The following TPP2 variants were observed in gnomAD, a reference collection of about 807,000 sequenced individuals.
TPP2 encodes the protein tripeptidyl peptidase 2.
A neutral mutation model predicts 155.9 loss-of-function variants in TPP2; 34 were observed. The observed-to-expected ratio is 0.22, with a 90% CI of 0.17 to 0.29. TPP2 has a LOEUF of 0.29. Ranked by LOEUF, TPP2 falls within the 10% of genes least tolerant of loss-of-function variation. TPP2 has a pLI of 1.00. For missense variants in TPP2, 1,028 were observed against 1,522.3 expected (o/e 0.68, Z 5.40); for synonymous variants, 510 against 529.4 (o/e 0.96, Z 0.50).
chr13:102,644,520 A>G, intron 17 of TPP2, 37 bp from the exon 18 acceptor site: 1 of 1,488,172 alleles, frequency 6.7e-7, no homozygotes, highest in Non-Finnish European at 9.2e-7. Context: ...TGAGAAAAAT[A>G]AGAAAAGAGA....
chr13:102,633,854 G>A (rs1435195490), intron 10 of TPP2, 96 bp from the exon 11 acceptor site: 29 of 1,544,474 alleles, frequency 1.9e-5, no homozygotes, highest in South Asian at 8.4e-5. Flanking sequence ...AGTACATAGT[G>A]TTATACTATT....
chr13:102,669,816 G>C (rs1884852324), intron 27 of TPP2, among the ~76,000 whole-genome samples: 2 of 152,152 alleles, frequency 1.3e-5, no homozygotes, highest in African/African-American at 4.8e-5. Context: ...AAGCTAGGGG[G>C]CCAGGCAGTG....
rs181183391 is a variant in TPP2, at chr13:102,658,904, G to C, written c.3143+1697G>C. Among the ~76,000 whole-genome samples, 10 of 152,250 alleles carry C rather than the reference G, an allele frequency of 6.6e-5. No individual in the cohort carries two copies. The East Asian group carries it at 1.9e-3, about 29-fold the overall frequency. On this transcript the variant is annotated intron_variant, in intron 25 of 29. Coordinates refer to ENST00000376052, the MANE Select transcript of TPP2 (RefSeq NM_001330588.2). ...TGTAAAGTACTGTTGGGAACACTGG[G>C]GCCCCAATGCCCAGGAGGCTGTGGT...
intron 25 of TPP2, among the ~76,000 whole-genome samples, chr13:102,662,290 G>A (rs1209935983): frequency 6.6e-6 from 1 of 152,068 alleles, no homozygotes; most frequent in East Asian, 1.9e-4. Flanking sequence ...AGGGTATGGC[G>A]GTTTCTTTTT....
intron 29 of TPP2, among the ~76,000 whole-genome samples, chr13:102,676,645 C>T (rs1026900044): frequency 6.6e-6 from 1 of 152,132 alleles, no homozygotes; most frequent in Non-Finnish European, 1.5e-5. Context: ...ATACTAGCCT[C>T]AAATGTTTTC....
At chr13:102,674,102 A>G (rs978766783) in intron 27 of TPP2, among the ~76,000 whole-genome samples, 181 bp from the exon 28 acceptor site, 2 of 152,210 alleles carry the variant, frequency 1.3e-5, no homozygotes, top group Admixed American at 6.6e-5. Context: ...ATAGTAGCTC[A>G]TTTGATGTTT....
At chr13:102,645,975 A>G (rs1008820560) in intron 19 of TPP2, among the ~76,000 whole-genome samples, 36 of 112,794 alleles carry the variant, frequency 3.2e-4, no homozygotes, top group Non-Finnish European at 5.7e-4. Context: ...CTGTCTTGCA[A>G]CACTTTTAGT....
At chr13:102,636,086 G>A (rs1882360319) in intron 12 of TPP2, 138 bp from the exon 13 acceptor site, 1 of 738,434 alleles carries the variant, frequency 1.4e-6, no homozygotes, top group South Asian at 2.0e-5. Context: ...TCTTAGTTGG[G>A]GTACTAGGTA....
chr13:102,629,793 C>CTG (rs1211840494), intron 9 of TPP2, among the ~76,000 whole-genome samples, 184 bp downstream of exon 9: 1 of 152,130 alleles, frequency 6.6e-6, no homozygotes, highest in Non-Finnish European at 1.5e-5. Context: ...TTAAAGTGGA[C>CTG]TGAAATAAGT....
chr13:102,626,307 TA>T (rs1275960805), intron 6 of TPP2, among the ~76,000 whole-genome samples: 2 of 152,256 alleles, frequency 1.3e-5, no homozygotes, highest in African/African-American at 4.8e-5. Flanking sequence ...AGTTCAGCCT[TA>T]TTTTTGTGAG....
chr13:102,627,610 T>C (rs1168551151), intron 7 of TPP2, among the ~76,000 whole-genome samples: 3 of 151,388 alleles, frequency 2.0e-5, no homozygotes, highest in Admixed American at 2.0e-4. Context: ...CCCACTCTTT[T>C]CTAGAAATGC....
chr13:102,677,376 C>CT (rs1423726198), intron 29 of TPP2, among the ~76,000 whole-genome samples: 1 of 152,088 alleles, frequency 6.6e-6, no homozygotes, highest in East Asian at 1.9e-4. Context: ...ACTCTGCCCC[C>CT]CCCGCTGCCT....
intron 23 of TPP2, among the ~76,000 whole-genome samples, chr13:102,650,779 G>C (rs1360259741): frequency 6.6e-6 from 1 of 152,180 alleles, no homozygotes; most frequent in Non-Finnish European, 1.5e-5. Flanking sequence ...GGAGACAATT[G>C]TGAAATTAAA....
chr13:102,641,472 A>T (rs1265128298), intron 16 of TPP2, among the ~76,000 whole-genome samples: 4 of 152,220 alleles, frequency 2.6e-5, no homozygotes, highest in Non-Finnish European at 4.4e-5. Flanking sequence ...TATTTTACTT[A>T]GGAGTGTGTT....
chr13:102,666,535 C>T (rs1354864180), intron 27 of TPP2, among the ~76,000 whole-genome samples: 2 of 152,000 alleles, frequency 1.3e-5, no homozygotes, highest in African/African-American at 4.8e-5. Context: ...TCTTTGAGCT[C>T]TCTGCAGCCC....
intron 27 of TPP2, 136 bp from the exon 28 acceptor site, chr13:102,674,147 T>C (rs1328015281): frequency 1.2e-6 from 1 of 869,286 alleles, no homozygotes; most frequent in African/African-American, 1.7e-5. Flanking sequence ...TACAATACAA[T>C]TGTACGTACC....
intron 1 of TPP2, among the ~76,000 whole-genome samples, chr13:102,599,305 CTCTTT>C (rs1879246111): frequency 6.6e-6 from 1 of 152,186 alleles, no homozygotes; most frequent in South Asian, 2.1e-4. Context: ...CATAAGTCTT[CTCTTT>C]TAACAACCTT....
intron 14 of TPP2, among the ~76,000 whole-genome samples, 153 bp from the exon 15 acceptor site, chr13:102,638,086 A>G (rs1431461709): frequency 6.6e-6 from 1 of 152,170 alleles, no homozygotes; most frequent in Non-Finnish European, 1.5e-5. Context: ...TTTGCTATTA[A>G]TTATGTGACC....
intron 10 of TPP2, among the ~76,000 whole-genome samples, chr13:102,631,801 G>T (rs1306407704): frequency 6.6e-6 from 1 of 152,182 alleles, no homozygotes; most frequent in African/African-American, 2.4e-5. Context: ...ACATTAGATG[G>T]TATAAAATAT....
Sources: gnomAD v4.1 joint callset for allele counts (sites outside exome capture counted in the v4.1 genomes callset) on GRCh38, gnomAD v4.1.1 for gene constraint, MANE v1.5 for transcripts, NCBI Gene and HGNC (gene_info 2026-07-23, HGNC 2026-07-21) for gene names.